The following GPC6 variants were observed in gnomAD, a reference collection of about 807,000 sequenced individuals.
The protein encoded by GPC6 is glypican 6.
A neutral mutation model predicts 55.2 loss-of-function variants in GPC6; 14 were observed. The observed-to-expected ratio is 0.25, with a 90% CI of 0.17 to 0.40. GPC6 has a LOEUF of 0.40. Among genes scored for constraint, GPC6 ranks in the 10% least tolerant of loss-of-function variants. The probability of loss-of-function intolerance (pLI) is 1.00; values close to 1 mark genes in which losing one functional copy is unlikely to be tolerated. For missense variants in GPC6, 641 were observed against 708.5 expected, an observed-to-expected ratio of 0.90 and a Z score of 1.08; for synonymous variants, 278 against 259.6, an observed-to-expected ratio of 1.07 and a Z score of -0.68.
intron 1 of GPC6, among the ~76,000 whole-genome samples, chr13:93,231,695 C>A (rs1048636921): frequency 6.6e-6 from 1 of 151,714 alleles, no homozygotes; most frequent in Non-Finnish European, 1.5e-5. Context: ...TTTCAGTATA[C>A]TAGGCCTATT....
At chr13:94,122,137 TA>T (rs986481273) in intron 4 of GPC6, among the ~76,000 whole-genome samples, 2 of 151,828 alleles carry the variant, frequency 1.3e-5, no homozygotes, top group South Asian at 2.1e-4. Context: ...TATATATAAA[TA>T]AAAAAAAGTT....
intron 1 of GPC6, among the ~76,000 whole-genome samples, chr13:93,239,574 C>T (rs537446698): frequency 2.0e-4 from 30 of 151,664 alleles, no homozygotes; most frequent in South Asian, 8.3e-4. Context: ...TTTATCTTTT[C>T]GAAGAACCAA....
At chr13:93,322,773 G>T (rs890040963) in intron 1 of GPC6, among the ~76,000 whole-genome samples, 11 of 151,898 alleles carry the variant, frequency 7.2e-5, no homozygotes, top group Non-Finnish European at 4.4e-5. Context: ...TGTTGTTGTT[G>T]TTTTTAATTT....
At chr13:93,567,782 C>G (rs1357496355) in intron 2 of GPC6, among the ~76,000 whole-genome samples, 2 of 152,126 alleles carry the variant, frequency 1.3e-5, no homozygotes, top group African/African-American at 2.4e-5. Context: ...AAACTGTCAT[C>G]TTAGATTGGT....
At chr13:94,325,460 C>G (rs1877068290) in intron 6 of GPC6, among the ~76,000 whole-genome samples, 1 of 152,176 alleles carries the variant, frequency 6.6e-6, no homozygotes, top group Non-Finnish European at 1.5e-5. Context: ...TCAAAGACTG[C>G]TGATCATGGG....
intron 4 of GPC6, among the ~76,000 whole-genome samples, chr13:94,106,384 G>C (rs753326227): frequency 6.6e-5 from 10 of 152,174 alleles, no homozygotes; most frequent in Non-Finnish European, 1.5e-4. Flanking sequence ...GATAACGTTG[G>C]TGAAAGTGGG....
chr13:93,575,334 A>C (rs1319474222), intron 2 of GPC6, among the ~76,000 whole-genome samples: 1 of 152,120 alleles, frequency 6.6e-6, no homozygotes, highest in Non-Finnish European at 1.5e-5. Context: ...ATATGACTTA[A>C]AACTCTATTG....
chr13:93,428,792 G>GT (rs1179338426), intron 1 of GPC6, among the ~76,000 whole-genome samples: 3 of 152,070 alleles, frequency 2.0e-5, no homozygotes, highest in African/African-American at 4.8e-5. Flanking sequence ...ACCTCATACA[G>GT]TTTTTTAGCC....
At chr13:94,066,711 A>G (rs949343421) in intron 4 of GPC6, among the ~76,000 whole-genome samples, 1 of 152,180 alleles carries the variant, frequency 6.6e-6, no homozygotes, top group African/African-American at 2.4e-5. Context: ...TGTCTCTCCT[A>G]TGCTTGGCAT....
At chr13:93,528,148 A>C (rs1881724236) in intron 1 of GPC6, among the ~76,000 whole-genome samples, 1 of 152,172 alleles carries the variant, frequency 6.6e-6, no homozygotes, top group Non-Finnish European at 1.5e-5. Context: ...TTGGGCTTTG[A>C]ACAGTAAATC....
chr13:94,295,693 GTAA>G (rs1875295823), intron 5 of GPC6, among the ~76,000 whole-genome samples: 1 of 152,118 alleles, frequency 6.6e-6, no homozygotes, highest in African/African-American at 2.4e-5. Flanking sequence ...GAATTTCCAT[GTAA>G]TAATAATTTC....
At chr13:93,332,620 C>G (rs1318806744) in intron 1 of GPC6, among the ~76,000 whole-genome samples, 1 of 152,036 alleles carries the variant, frequency 6.6e-6, no homozygotes, top group Non-Finnish European at 1.5e-5. Flanking sequence ...AATCTCTTGT[C>G]AAATGGATAG....
chr13:94,039,241 A>G (rs1024694473), intron 4 of GPC6, among the ~76,000 whole-genome samples: 1 of 151,982 alleles, frequency 6.6e-6, no homozygotes, highest in Non-Finnish European at 1.5e-5. Flanking sequence ...TTTGCCTTGT[A>G]GGCAATGACA....
At chr13:93,843,222 C>T (rs35300183) in intron 3 of GPC6, among the ~76,000 whole-genome samples, 14,189 of 151,920 alleles carry the variant, frequency 0.093, 948 homozygotes, top group Middle Eastern at 0.17. Context: ...AAACAGTTGG[C>T]TCACATCGTT....
the GPC6 span, among the ~76,000 whole-genome samples, chr13:93,218,036 T>G: frequency 6.6e-6 from 1 of 151,990 alleles, no homozygotes; most frequent in Non-Finnish European, 1.5e-5. Context: ...CGCCTGTTTC[T>G]ATGCTTGCTT....
intron 4 of GPC6, among the ~76,000 whole-genome samples, chr13:94,271,408 A>T (rs1213614766): frequency 1.4e-5 from 2 of 146,994 alleles, no homozygotes; most frequent in African/African-American, 2.5e-5. Context: ...ACACACACAC[A>T]CTCCATCATG....
intron 1 of GPC6, among the ~76,000 whole-genome samples, chr13:93,365,347 C>T (rs960805516): frequency 2.0e-5 from 3 of 152,054 alleles, no homozygotes; most frequent in African/African-American, 7.2e-5. Flanking sequence ...TTTGGTAGGT[C>T]CTGTATAAGA....
intron 1 of GPC6, among the ~76,000 whole-genome samples, chr13:93,367,937 CG>C (rs1356350418): frequency 6.6e-6 from 1 of 152,016 alleles, no homozygotes; most frequent in African/African-American, 2.4e-5. Context: ...AATGTCACTT[CG>C]ATCCTTTTAG....
chr13:93,795,129 A>C (rs148478697), intron 2 of GPC6, among the ~76,000 whole-genome samples: 1,628 of 152,300 alleles, frequency 0.011, 13 homozygotes, highest in Non-Finnish European at 0.017. Flanking sequence ...GGGTGAGTCC[A>C]CAGTGCAAAG....
Sources: allele counts gnomAD v4.1 joint callset (sites outside exome capture counted in the v4.1 genomes callset), GRCh38; gene constraint gnomAD v4.1.1; transcripts MANE v1.5; gene names NCBI Gene and HGNC (gene_info 2026-07-23, HGNC 2026-07-21).